The following AKR1D1 variants were observed in gnomAD, a reference collection of about 807,000 sequenced individuals.
The protein encoded by AKR1D1 is aldo-keto reductase family 1 member D1.
In AKR1D1, 32 loss-of-function variants were observed where a neutral mutation model predicts 42.6. The observed-to-expected ratio is 0.75, with a 90% CI of 0.57 to 1.01. The LOEUF (loss-of-function observed/expected upper bound fraction) is 1.01. Among genes scored for constraint, AKR1D1 ranks in the 50% least tolerant of loss-of-function variants. AKR1D1 has a pLI of 0.00. For synonymous variants in AKR1D1, 123 were observed against 135.5 expected, an observed-to-expected ratio of 0.91 and a Z score of 0.64; for missense variants, 364 against 402.2, an observed-to-expected ratio of 0.91 and a Z score of 0.81.
intron 1 of AKR1D1, among the ~76,000 whole-genome samples, chr7:138,088,371 G>A (rs1347541396): frequency 1.3e-5 from 2 of 152,086 alleles, no homozygotes; most frequent in Admixed American, 1.3e-4. Context: ...TTGATGCCAC[G>A]AAGCTGAGGG....
intron 2 of AKR1D1, chr7:138,091,138 G>A (rs1248959003): frequency 6.4e-6 from 1 of 156,198 alleles, no homozygotes; most frequent in Non-Finnish European, 1.4e-5. Flanking sequence ...AATTCACCCG[G>A]AAATGGGGAA....
chr7:138,091,910 G>T (rs1048865118), intron 3 of AKR1D1, 26 bp downstream of exon 3: 2 of 1,511,824 alleles, frequency 1.3e-6, no homozygotes, highest in Non-Finnish European at 1.8e-6. Flanking sequence ...CAAAGGTCAG[G>T]TCTCTGCACC....
intron 4 of AKR1D1, among the ~76,000 whole-genome samples, chr7:138,101,688 C>T (rs917263239): frequency 1.3e-5 from 2 of 152,020 alleles, no homozygotes; most frequent in Admixed American, 1.3e-4. Flanking sequence ...TTTTTAAAAA[C>T]AATGCTAAAC....
chr7:138,093,745 T>G (rs937614911), intron 3 of AKR1D1, among the ~76,000 whole-genome samples: 1 of 152,210 alleles, frequency 6.6e-6, no homozygotes, highest in South Asian at 2.1e-4. Context: ...GTTGTATCCA[T>G]AGTAAAAACA....
At chr7:138,105,620 T>C (rs1794408351) in intron 5 of AKR1D1, among the ~76,000 whole-genome samples, 191 bp downstream of exon 5, 1 of 152,184 alleles carries the variant, frequency 6.6e-6, no homozygotes, top group South Asian at 2.1e-4. Context: ...CCTGGTGCGG[T>C]GGCTCACGCC....
chr7:138,113,806 A>G (rs1193550467), intron 8 of AKR1D1, 34 bp downstream of exon 8: 1 of 1,585,200 alleles, frequency 6.3e-7, no homozygotes, highest in Non-Finnish European at 8.7e-7. Context: ...GGTATTGACC[A>G]GTGGTATTGA....
At chr7:138,095,687 G>A (rs111848491) in intron 3 of AKR1D1, among the ~76,000 whole-genome samples, 6,860 of 152,020 alleles carry the variant, frequency 0.045, 501 homozygotes, top group African/African-American at 0.16. Context: ...CATCATGCCC[G>A]GCTAATTTTT....
chr7:138,114,874 T>C (rs2035648), intron 8 of AKR1D1, among the ~76,000 whole-genome samples: 87,375 of 151,796 alleles, frequency 0.58, 26,000 homozygotes, highest in Middle Eastern at 0.65. Context: ...ATTCATATAG[T>C]TTGGACACTT....
chr7:138,102,124 T>A (rs887334149), intron 4 of AKR1D1, among the ~76,000 whole-genome samples: 1 of 152,024 alleles, frequency 6.6e-6, no homozygotes, highest in African/African-American at 2.4e-5. Context: ...AGCATGAGAA[T>A]CACTTGAACC....
chr7:138,101,218 T>C (rs1460933094), intron 4 of AKR1D1, among the ~76,000 whole-genome samples: 2 of 98,966 alleles, frequency 2.0e-5, no homozygotes, highest in African/African-American at 4.0e-5. Flanking sequence ...CCTTCCTTCC[T>C]TCCACGAGTC....
At position 138,105,405 on chromosome 7, in the gene AKR1D1, CA is replaced by C; in HGVS notation, c.558del (p.Lys186AsnfsTer21). 1.2e-6 allele frequency: 2 copies of C among 1,614,056 alleles called. No individual in the cohort carries two copies. Among genetic ancestry groups the C allele is most frequent in the Non-Finnish European group, 1.7e-6 (2 of 1,179,998 alleles). ...LELILNKPGL[K>X]HKPVSNQVEC... ...AGCTCATCCTGAACAAGCCAGGACT[CA>C]AACACAAGCCAGTCAGCAACCAGGT... On this transcript the variant is annotated frameshift_variant, in exon 5 of 9. Coordinates refer to ENST00000242375, the MANE Select transcript of AKR1D1 (RefSeq NM_005989.4). LOFTEE classifies it high-confidence loss of function.
chr7:138,105,907 A>ACAACAAC (rs1242368252), intron 5 of AKR1D1, among the ~76,000 whole-genome samples: 1 of 151,442 alleles, frequency 6.6e-6, no homozygotes, highest in African/African-American at 2.4e-5. Context: ...ACAACAAAAA[A>ACAACAAC]AAATCTAATG....
intron 8 of AKR1D1, among the ~76,000 whole-genome samples, chr7:138,114,502 ATACAAAAAT>A (rs72186467): frequency 0.018 from 2,799 of 152,158 alleles, 92 homozygotes; most frequent in African/African-American, 0.063. Context: ...TCTACTAAAA[ATACAAAAAT>A]TAGCTGGGTG....
At chr7:138,106,915 A>G (rs1361168644) in intron 6 of AKR1D1, among the ~76,000 whole-genome samples, 198 bp downstream of exon 6, 1 of 152,240 alleles carries the variant, frequency 6.6e-6, no homozygotes, top group Non-Finnish European at 1.5e-5. Context: ...GAAATTGCCT[A>G]TCAGTGCCTG....
At chr7:138,103,575 C>T (rs947491061) in intron 4 of AKR1D1, among the ~76,000 whole-genome samples, 1 of 151,610 alleles carries the variant, frequency 6.6e-6, no homozygotes, top group African/African-American at 2.4e-5. Flanking sequence ...CAGAGATTGA[C>T]AATTTAAAAG....
chr7:138,081,506 C>CTTTTTTTTT lies in AKR1D1; in HGVS notation c.93+4923_93+4931dup, dbSNP rs61466734. Among the ~76,000 whole-genome samples the CTTTTTTTTT allele has an allele frequency of 1.5e-4, 7 of 47,620 alleles. 2 individuals are homozygous for CTTTTTTTTT. The highest frequency in any genetic ancestry group is 7.0e-4 in the African/African-American group (7 of 9,952). The allele number at this position is 47,620 out of a possible 152,430, so 31.2% of individuals were successfully genotyped here. On this transcript the variant is annotated intron_variant, in intron 1 of 8. Transcript: ENST00000242375. ...TCCAAAATATAAAAGGAACTCCTAC[C>CTTTTTTTTT]TTTTTTTTTTTTTTTTTTTTTTTTT...
intron 3 of AKR1D1, among the ~76,000 whole-genome samples, chr7:138,094,269 C>T (rs1382190267): frequency 1.3e-5 from 2 of 152,130 alleles, no homozygotes; most frequent in Non-Finnish European, 1.5e-5. Flanking sequence ...AGTCCCAGTA[C>T]TTTGGGAGGC....
At chr7:138,116,254 T>C (rs952237520) in intron 8 of AKR1D1, among the ~76,000 whole-genome samples, 18 of 152,164 alleles carry the variant, frequency 1.2e-4, no homozygotes, top group Admixed American at 6.5e-5. Flanking sequence ...GAAATGCCCA[T>C]GTAGTGGATT....
intron 1 of AKR1D1, 42 bp from the exon 2 acceptor site, chr7:138,088,559 C>T (rs375640127): frequency 1.2e-6 from 2 of 1,602,064 alleles, no homozygotes; most frequent in East Asian, 2.2e-5. Context: ...AAAGGAAAGA[C>T]CATTTCTCTT....
Sources: gnomAD v4.1 joint callset for allele counts (sites outside exome capture counted in the v4.1 genomes callset) on GRCh38, gnomAD v4.1.1 for gene constraint, MANE v1.5 for transcripts, NCBI Gene and HGNC (gene_info 2026-07-23, HGNC 2026-07-21) for gene names.